The following ADCY10 variants were observed in gnomAD, a reference collection of about 807,000 sequenced individuals.
ADCY10 encodes adenylate cyclase type 10.
In ADCY10, 156 loss-of-function variants were observed where a neutral mutation model predicts 183.3. The ratio of observed to expected loss-of-function variants is 0.85; its 90% CI spans 0.75 to 0.97. ADCY10 has a LOEUF of 0.97. Among genes scored for constraint, ADCY10 ranks in the 50% least tolerant of loss-of-function variants. The pLI, the probability that ADCY10 is intolerant of heterozygous loss-of-function variation, is 0.00. For missense variants in ADCY10, 1,745 were observed against 1,934.3 expected (o/e 0.90, Z 1.84); for synonymous variants, 645 against 670.0 (o/e 0.96, Z 0.58).
At chr1:167,901,236 T>C (rs193145521) in intron 5 of ADCY10, among the ~76,000 whole-genome samples, 2 of 152,206 alleles carry the variant, frequency 1.3e-5, no homozygotes, top group Admixed American at 6.5e-5. Flanking sequence ...AAGCTTTTCC[T>C]ACACCTCATT....
At chr1:167,887,514 G>A (rs1668307957) in intron 8 of ADCY10, among the ~76,000 whole-genome samples, 1 of 152,028 alleles carries the variant, frequency 6.6e-6, no homozygotes, top group Non-Finnish European at 1.5e-5. Flanking sequence ...TTAGACACAG[G>A]GTGGGGAACA....
chr1:167,814,898 G>C (rs763328635), intron 31 of ADCY10, among the ~76,000 whole-genome samples: 4 of 152,162 alleles, frequency 2.6e-5, no homozygotes, highest in Non-Finnish European at 4.4e-5. Context: ...GGCCGAGGTG[G>C]TCGGATCACC....
chr1:167,854,303 CTT>C, intron 18 of ADCY10, 48 bp downstream of exon 18: 1 of 1,613,348 alleles, frequency 6.2e-7, no homozygotes, highest in Non-Finnish European at 8.5e-7. Flanking sequence ...TGAATGAAGA[CTT>C]AAGTTAGGCA....
intron 15 of ADCY10, 137 bp downstream of exon 15, chr1:167,860,734 G>A (rs936309392): frequency 2.6e-5 from 19 of 728,084 alleles, no homozygotes; most frequent in Non-Finnish European, 3.7e-5. Flanking sequence ...CATCCAGAGA[G>A]GATTGGGAGC....
rs200512194 is a variant in ADCY10, at chr1:167,886,276, C to CA, written c.829-2649dup. ...GCAAAAAGAACAAAGCTGGAGGCAT[C>CA]ATGCTACCTGACTTCAAACTATACT... On this transcript the variant is annotated intron_variant, in intron 8 of 32. Transcript: ENST00000367851. 4.7e-3 allele frequency among the ~76,000 whole-genome samples: 709 copies of CA among 152,292 alleles called. 9 individuals carry two copies. The East Asian group carries it at 0.058, about 13-fold the overall frequency.
chr1:167,858,931 G>A (rs1429696584), intron 16 of ADCY10, among the ~76,000 whole-genome samples: 1 of 152,152 alleles, frequency 6.6e-6, no homozygotes, highest in Admixed American at 6.5e-5. Flanking sequence ...TATGGCAATA[G>A]GAAGGGAGGA....
At chr1:167,872,473 A>C (rs1243399994) in intron 13 of ADCY10, among the ~76,000 whole-genome samples, 1 of 152,074 alleles carries the variant, frequency 6.6e-6, no homozygotes, top group African/African-American at 2.4e-5. Context: ...CTGGATTCTA[A>C]AATGAGATTG....
At chr1:167,820,239 C>T in intron 30 of ADCY10, 4 of 1,529,230 alleles carry the variant, frequency 2.6e-6, no homozygotes, top group South Asian at 1.2e-5. Context: ...CCCACTGGGT[C>T]CTGGTCCATC....
chr1:167,865,541 A>G (rs919780639), intron 14 of ADCY10, among the ~76,000 whole-genome samples: 8 of 152,238 alleles, frequency 5.3e-5, no homozygotes, highest in African/African-American at 1.9e-4. Flanking sequence ...CACTAATATA[A>G]AGGTAAAATT....
chr1:167,895,180 CAA>C (rs369502605), intron 7 of ADCY10, among the ~76,000 whole-genome samples: 36 of 67,660 alleles, frequency 5.3e-4, no homozygotes, highest in Admixed American at 1.2e-3. Context: ...GACTCCATCT[CAA>C]AAAAAAAAAA....
intron 12 of ADCY10, among the ~76,000 whole-genome samples, chr1:167,878,205 C>G (rs1667611963): frequency 1.3e-5 from 2 of 152,082 alleles, no homozygotes; most frequent in Admixed American, 6.6e-5. Context: ...GTTTGTACAA[C>G]CTTTGAAGAA....
rs557901189 is a variant in ADCY10 at position 167,882,357 on chromosome 1, T to C, written c.1020+1080A>G. ...AAAATTAGCCAGGTGTGGTGGCGCA[T>C]GCCTGTAATCCCAGCTACTCAGGAG... is the stretch of plus-strand genomic sequence containing the variant. On this transcript the variant is annotated intron_variant, in intron 9 of 32. Transcript: ENST00000367851. Among the ~76,000 whole-genome samples the C allele has an allele frequency of 9.9e-5, 15 of 151,962 alleles. No individual in the cohort carries two copies. In the South Asian group the frequency reaches 2.9e-3, roughly 30 times the overall value.
In ADCY10 at chr1:167,875,253, T is replaced by C. The variant is rs1667370533; in HGVS notation, c.1407-67A>G. ...GGGACATATTGAGAGCAAGAGTGAT[T>C]AGTTCTTAGTTCCCAGAAAGTTTCC... On this transcript the variant is annotated intron_variant, in intron 12 of 32. Transcript: ENST00000367851. 6 of 1,492,706 alleles carry C rather than the reference T, an allele frequency of 4.0e-6. No individual in the cohort carries two copies. In the South Asian group the frequency reaches 6.8e-5, roughly 17 times the overall value. The allele number at this position is 1,492,706 out of a possible 1,614,324, so 92.5% of individuals were successfully genotyped here.
intron 16 of ADCY10, among the ~76,000 whole-genome samples, chr1:167,856,783 C>T (rs1217299473): frequency 6.6e-6 from 1 of 152,174 alleles, no homozygotes; most frequent in Non-Finnish European, 1.5e-5. Flanking sequence ...AATTATGAGT[C>T]ATTTTAATCT....
At position 167,848,372 on chromosome 1, in the gene ADCY10, G is replaced by C. The variant is rs772112208; in HGVS notation, c.2426C>G (p.Thr809Arg). ...GVRLKNLSPP[T>R]SLKEISLIQL... ...CCAGATTTTCTTACCTTTTAATGAC[G>C]TTGGAGGTGACAGGTTTTTCAGTCT... Residue 809 changes from threonine (T) to arginine (R), a missense_variant, in exon 19 of 33, where the codon ACG becomes AGG. Thr to Arg is a moderately conservative substitution (Grantham distance 71). Transcript: ENST00000367851. 1 of 1,613,632 alleles carries C rather than the reference G, an allele frequency of 6.2e-7. No individual in the cohort carries two copies. The highest frequency in any genetic ancestry group is 2.2e-5 in the East Asian group (1 of 44,860).
chr1:167,905,407 A>G (rs1669743147), intron 1 of ADCY10, among the ~76,000 whole-genome samples: 1 of 152,222 alleles, frequency 6.6e-6, no homozygotes, highest in African/African-American at 2.4e-5. Flanking sequence ...GAGCTCCATT[A>G]CAAAGAGGCT....
Position 167,878,541 on chromosome 1 carries a change from T to A in ADCY10, c.1311A>T (p.Leu437=), listed in dbSNP as rs750817325. 4.3e-6 allele frequency: 7 copies of A among 1,614,060 alleles called. No homozygotes were observed. Among genetic ancestry groups the A allele is most frequent in the Middle Eastern group, 1.6e-4 (1 of 6,080 alleles). Residue 437 remains leucine (L), a synonymous_variant, in exon 12 of 33, where the codon CTA becomes CTT. Coordinates refer to ENST00000367851, the MANE Select transcript of ADCY10 (RefSeq NM_018417.6). ...CDSVTYNGSN[L]PAYFFKELPK... is the part of the protein sequence containing the mutation. Reference sequence around the variant, plus strand: ...GAAGCTCTTTAAAAAAGTACGCTGGTAGGTTGCTCCCATTGTAGGTGACAG... The same window carrying A: ...GAAGCTCTTTAAAAAAGTACGCTGGAAGGTTGCTCCCATTGTAGGTGACAG...
chr1:167,893,977 G>T (rs750780026), intron 7 of ADCY10, 36 bp from the exon 8 acceptor site: 2 of 1,528,534 alleles, frequency 1.3e-6, no homozygotes, highest in Admixed American at 1.7e-5. Context: ...GCTCAGAGAG[G>T]GAAGTTTGGC....
At chr1:167,884,694 A>ATTTTTTTT (rs71100911) in intron 8 of ADCY10, among the ~76,000 whole-genome samples, 1 of 108,628 alleles carries the variant, frequency 9.2e-6, no homozygotes, top group African/African-American at 3.7e-5. Flanking sequence ...AATCATTTTA[A>ATTTTTTTT]TTTTTTTTTT....
Sources: allele counts gnomAD v4.1 joint callset (sites outside exome capture counted in the v4.1 genomes callset), GRCh38; gene constraint gnomAD v4.1.1; transcripts MANE v1.5; gene names NCBI Gene and HGNC (gene_info 2026-07-23, HGNC 2026-07-21).